NUDT4: variants seen among roughly 807,000 people sequenced by gnomAD.
NUDT4 encodes diphosphoinositol polyphosphate phosphohydrolase 2.
A neutral mutation model predicts 23.1 loss-of-function variants in NUDT4; 5 were observed. The ratio of observed to expected loss-of-function variants is 0.22; its 90% confidence interval spans 0.11 to 0.46. The LOEUF (loss-of-function observed/expected upper bound fraction) is 0.46. Among genes scored for constraint, NUDT4 ranks in the 20% least tolerant of loss-of-function variants. The pLI is 0.99. For synonymous variants in NUDT4, 50 were observed against 79.0 expected, an observed-to-expected ratio of 0.63 and a Z score of 1.95; for missense variants, 96 against 211.6, an observed-to-expected ratio of 0.45 and a Z score of 3.39.
At chr12:93,389,106 G>C (rs145428327) in intron 1 of NUDT4, among the ~76,000 whole-genome samples, 1 of 152,330 alleles carries the variant, frequency 6.6e-6, no homozygotes, top group African/African-American at 2.4e-5. Context: ...TCTGCCTTAA[G>C]CTAGTAGTTT....
intron 1 of NUDT4, among the ~76,000 whole-genome samples, chr12:93,380,298 C>T (rs1349944621): frequency 6.6e-6 from 1 of 152,106 alleles, no homozygotes; most frequent in East Asian, 1.9e-4. Context: ...AAATGATGAT[C>T]TCTATTGTGC....
chr12:93,390,724 G>A (rs888165458), intron 1 of NUDT4, among the ~76,000 whole-genome samples: 1 of 151,958 alleles, frequency 6.6e-6, no homozygotes, highest in African/African-American at 2.4e-5. Flanking sequence ...TTCCACCACA[G>A]CCTCCTGAGT....
rs543447205 is a variant in NUDT4 at position 93,393,642 on chromosome 12, C to G, written c.100-967C>G. On this transcript the variant is annotated intron_variant, in intron 1 of 4. Transcript: ENST00000415493. Reference sequence around the variant, plus strand: ...ATAATTTTAAAATGTAAAAATACTTCTGGCTCACAGACTGTACAGGTGGTG... The same window carrying G: ...ATAATTTTAAAATGTAAAAATACTTGTGGCTCACAGACTGTACAGGTGGTG... Among the ~76,000 whole-genome samples the G allele has an allele frequency of 2.0e-5, 3 of 152,318 alleles. No homozygotes were observed. In the South Asian group the frequency reaches 6.2e-4, roughly 32 times the overall value.
intron 1 of NUDT4, among the ~76,000 whole-genome samples, chr12:93,378,971 A>G (rs1256376617): frequency 6.6e-6 from 1 of 152,162 alleles, no homozygotes; most frequent in East Asian, 1.9e-4. Flanking sequence ...TGTTGGCATA[A>G]TTATGCCTCA....
chr12:93,394,796 GA>G, intron 2 of NUDT4, 77 bp downstream of exon 2: 4 of 848,252 alleles, frequency 4.7e-6, no homozygotes, highest in Non-Finnish European at 7.9e-6. Flanking sequence ...CTAAGACAGC[GA>G]GACGGGTCCA....
rs1194042862 is a variant in NUDT4, at chr12:93,402,343, A to G, written c.*2964A>G. ...TCAGATTTGCAAACCAGGTTTCTGA[A>G]ACTTTGGGTAAGGTGTATGCTTTTA... On this transcript the variant is annotated 3_prime_UTR_variant, in exon 5 of 5. Coordinates refer to ENST00000415493, the MANE Select transcript of NUDT4 (RefSeq NM_019094.6). The G allele has an allele frequency of 6.6e-6, 1 of 152,176 alleles. No individual in the cohort carries two copies. The highest frequency in any genetic ancestry group is 2.4e-5 in the African/African-American group (1 of 41,458). 9.4% of individuals were successfully genotyped at this position (152,176 alleles called of 1,614,324 possible). A position where few individuals can be genotyped will look rare whatever the true frequency, so the allele number is the denominator to read the frequency against.
chr12:93,384,343 A>G (rs867711961), intron 1 of NUDT4, among the ~76,000 whole-genome samples: 14 of 151,926 alleles, frequency 9.2e-5, no homozygotes, highest in Non-Finnish European at 1.6e-4. Flanking sequence ...AATTTTTTGT[A>G]TTTTTAGTAG....
At chr12:93,390,131 A>T (rs1328141338) in intron 1 of NUDT4, among the ~76,000 whole-genome samples, 2 of 152,156 alleles carry the variant, frequency 1.3e-5, no homozygotes, top group Non-Finnish European at 2.9e-5. Context: ...CTAAGTGATG[A>T]TGTACTTTTC....
chr12:93,390,461 A>G (rs1191599589), intron 1 of NUDT4, among the ~76,000 whole-genome samples: 1 of 152,242 alleles, frequency 6.6e-6, no homozygotes, highest in Non-Finnish European at 1.5e-5. Context: ...TGAATAAAAT[A>G]CAAAGGTTTT....
rs1056213307 is a variant in NUDT4, at chr12:93,406,585, T to C, written c.*7206T>C. 2.6e-5 allele frequency: 4 copies of C among 152,274 alleles called. No homozygotes were observed. Among genetic ancestry groups the C allele is most frequent in the African/African-American group, 4.8e-5 (2 of 41,452 alleles). The allele number at this position is 152,274 out of a possible 1,614,324, so 9.4% of individuals were successfully genotyped here. ...TATCCATGGGTTCCACTTCCGTGGA[T>C]TCAAACAACCAGACAAAATATTCCA... On this transcript the variant is annotated 3_prime_UTR_variant, in exon 5 of 5. Transcript: ENST00000415493.
Position 93,400,620 on chromosome 12 carries a change from G to T in NUDT4, c.*1241G>T, listed in dbSNP as rs1331892088. Reference sequence around the variant, plus strand: ...TGAGGGATGGGGGAAAGTAAAAGATGTTTTTTTTTTTTTGAGACTCGCTTT... The same window carrying T: ...TGAGGGATGGGGGAAAGTAAAAGATTTTTTTTTTTTTTTGAGACTCGCTTT... On this transcript the variant is annotated 3_prime_UTR_variant, in exon 5 of 5. Coordinates refer to ENST00000415493, the MANE Select transcript of NUDT4 (RefSeq NM_019094.6). 4.2e-5 allele frequency: 5 copies of T among 118,632 alleles called. No individual in the cohort carries two copies. Among genetic ancestry groups the T allele is most frequent in the South Asian group, 2.9e-4 (1 of 3,390 alleles). The allele number at this position is 118,632 out of a possible 1,614,324, so 7.3% of individuals were successfully genotyped here.
intron 3 of NUDT4, among the ~76,000 whole-genome samples, chr12:93,396,581 G>C (rs1259220527): frequency 6.6e-6 from 1 of 152,148 alleles, no homozygotes; most frequent in East Asian, 1.9e-4. Context: ...TGTAGCACTT[G>C]GTAGAATTGA....
At chr12:93,380,790 C>A (rs1875605493) in intron 1 of NUDT4, among the ~76,000 whole-genome samples, 1 of 152,132 alleles carries the variant, frequency 6.6e-6, no homozygotes, top group African/African-American at 2.4e-5. Context: ...ATTGCATTGC[C>A]AGACTTCCCA....
intron 1 of NUDT4, among the ~76,000 whole-genome samples, chr12:93,388,468 A>G (rs1592719335): frequency 1.3e-5 from 2 of 152,348 alleles, no homozygotes; most frequent in Non-Finnish European, 2.9e-5. Flanking sequence ...TAGATAAGGA[A>G]CAAAATCAGC....
chr12:93,378,467 T>C, intron 1 of NUDT4, 46 bp downstream of exon 1: 1 of 1,500,208 alleles, frequency 6.7e-7, no homozygotes, highest in Non-Finnish European at 9.0e-7. Context: ...CGCCGGGGTC[T>C]AGGGCCCGGG....
chr12:93,397,595 G>A (rs1565783358), intron 3 of NUDT4, among the ~76,000 whole-genome samples: 1 of 151,910 alleles, frequency 6.6e-6, no homozygotes, highest in Non-Finnish European at 1.5e-5. Context: ...GGCATGATCT[G>A]GGCTCATCGC....
rs957321331 is a variant in NUDT4 at position 93,392,429 on chromosome 12, G to T, written c.100-2180G>T. On this transcript the variant is annotated intron_variant, in intron 1 of 4. Coordinates refer to ENST00000415493, the MANE Select transcript of NUDT4 (RefSeq NM_019094.6). ...TTCCACCACGCCCGGCTAATTTTTT[G>T]TATTTTTAGTAGAGATGGGGTTTCA... is the stretch of plus-strand genomic sequence containing the variant. Among the ~76,000 whole-genome samples, 114 of 149,820 alleles carry T rather than the reference G, an allele frequency of 7.6e-4. 4 individuals carry two copies. The highest frequency in any genetic ancestry group is 3.1e-4 in the Non-Finnish European group (21 of 67,520).
rs1335564852 is a variant in NUDT4, at chr12:93,399,910, C to CT, written c.*533dup. On this transcript the variant is annotated 3_prime_UTR_variant, in exon 5 of 5. Transcript: ENST00000415493. ...GGGCTATTTCTGTATGATCCAATAACTTATTTTGTCACAGGGCTTAATTTG... is the reference window on the plus strand; with the variant it reads ...GGGCTATTTCTGTATGATCCAATAACTTTATTTTGTCACAGGGCTTAATTTG... The CT allele has an allele frequency of 6.7e-6, 1 of 149,284 alleles. No individual in the cohort carries two copies. The highest frequency in any genetic ancestry group is 1.5e-5 in the Non-Finnish European group (1 of 67,248). 9.2% of individuals were successfully genotyped at this position (149,284 alleles called of 1,614,324 possible).
At chr12:93,389,146 A>G (rs1876307473) in intron 1 of NUDT4, among the ~76,000 whole-genome samples, 1 of 152,068 alleles carries the variant, frequency 6.6e-6, no homozygotes, top group Admixed American at 6.6e-5. Flanking sequence ...ACCATAGATA[A>G]TTACTCATTT....
Sources: allele counts gnomAD v4.1 joint callset (sites outside exome capture counted in the v4.1 genomes callset), GRCh38; gene constraint gnomAD v4.1.1; transcripts MANE v1.5; gene names NCBI Gene and HGNC (gene_info 2026-07-23, HGNC 2026-07-21).